SYNPO: variants seen among roughly 807,000 people sequenced by gnomAD.
The protein encoded by SYNPO is synaptopodin.
Under a neutral mutation model 49.5 loss-of-function variants are expected in SYNPO, and 19 were observed. That is an observed-to-expected ratio of 0.38 (90% CI 0.27 to 0.56). The LOEUF (loss-of-function observed/expected upper bound fraction) is 0.56. Ranked by LOEUF, SYNPO falls within the 20% of genes least tolerant of loss-of-function variation. The pLI is 0.68. For synonymous variants in SYNPO, 536 were observed against 548.0 expected (o/e 0.98, Z 0.31); for missense variants, 1,131 against 1,248.3 (o/e 0.91, Z 1.42).
chr5:150,621,190 C>T (rs1380959366), intron 2 of SYNPO, among the ~76,000 whole-genome samples: 1 of 152,086 alleles, frequency 6.6e-6, no homozygotes, highest in Non-Finnish European at 1.5e-5. Context: ...TAACCTCAGG[C>T]GGTCTGCCTG....
At chr5:150,616,324 C>T (rs1007158327) in intron 1 of SYNPO, among the ~76,000 whole-genome samples, 3 of 152,210 alleles carry the variant, frequency 2.0e-5, no homozygotes, top group Admixed American at 1.3e-4. Context: ...TCACAATTTT[C>T]AGGATTCTCA....
chr5:150,647,892 C>T (rs1423218305), intron 1 of SYNPO, 52 bp from the exon 2 acceptor site: 1 of 1,503,074 alleles, frequency 6.7e-7, no homozygotes, highest in African/African-American at 1.4e-5. Flanking sequence ...TCCGTGCACC[C>T]CTGTGTCACT....
At chr5:150,650,352 C>A in intron 2 of SYNPO, 49 bp downstream of exon 2, 1 of 1,611,214 alleles carries the variant, frequency 6.2e-7, no homozygotes. Context: ...ACGGGGGTCC[C>A]ACTGCCGGTC....
chr5:150,612,518 T>G (rs186757241), intron 1 of SYNPO, among the ~76,000 whole-genome samples: 2 of 152,354 alleles, frequency 1.3e-5, no homozygotes, highest in Non-Finnish European at 2.9e-5. Context: ...TACAGCCTTA[T>G]GGATAAGAGT....
In SYNPO at chr5:150,649,508, G is replaced by T. The variant is rs144297430; in HGVS notation, c.1233G>T (p.Gln411His). 3 of 1,612,866 alleles carry T rather than the reference G, an allele frequency of 1.9e-6. No homozygotes were observed. The highest frequency in any genetic ancestry group is 2.5e-6 in the Non-Finnish European group (3 of 1,179,504). Residue 411 changes from glutamine (Q) to histidine (H), a missense_variant, in exon 2 of 3, where the codon CAG (glutamine) becomes CAT (histidine). This residue lies in a region of SYNPO where 602 missense variants were observed against 720.7 expected (regional missense o/e 0.84). Transcript: ENST00000307662. ...TADEKRRQRD[Q>H]GEVGVEEEPF... ...ATGAGAAGCGGCGGCAGAGGGACCA[G>T]GGGGAGGTAGGCGTGGAGGAGGAGC...
chr5:150,644,170 GA>G (rs11306904), intron 1 of SYNPO, among the ~76,000 whole-genome samples: 41,567 of 116,108 alleles, frequency 0.36, 6,316 homozygotes, highest in East Asian at 0.56. Context: ...CCCTGTCTCA[GA>G]AAAAAAAAAA....
At chr5:150,652,362 C>T (rs141537311) in intron 2 of SYNPO, 56 of 986,878 alleles carry the variant, frequency 5.7e-5, no homozygotes, top group Non-Finnish European at 6.1e-5. Context: ...TTCTTTCTTC[C>T]GTGCTGCTAG....
intron 1 of SYNPO, among the ~76,000 whole-genome samples, chr5:150,601,527 G>C (rs1756541548): frequency 6.6e-6 from 1 of 152,226 alleles, no homozygotes; most frequent in Admixed American, 6.5e-5. Context: ...GTACAAGTGA[G>C]AGTGTGTCAG....
rs1757300310 is a variant in SYNPO at position 150,624,890 on chromosome 5, C to G, written c.400+6123C>G. The G allele has an allele frequency of 7.1e-6, 7 of 985,476 alleles. No individual in the cohort carries two copies. In the South Asian group the frequency reaches 1.8e-4, roughly 26 times the overall value. The allele number at this position is 985,476 out of a possible 1,614,324, so 61.0% of individuals were successfully genotyped here. On this transcript the variant is annotated intron_variant, in intron 2 of 2. Coordinates refer to the SYNPO transcript ENST00000394243. ...CGGCGGCGCCCGGGAGCTCGGGGACCGTGCGCAGCGGCTGGAGGTGAGTGA... is the reference window on the plus strand; with the variant it reads ...CGGCGGCGCCCGGGAGCTCGGGGACGGTGCGCAGCGGCTGGAGGTGAGTGA...
intron 2 of SYNPO, among the ~76,000 whole-genome samples, chr5:150,621,692 T>C (rs1371820228): frequency 1.3e-5 from 2 of 152,180 alleles, no homozygotes; most frequent in African/African-American, 2.4e-5. Flanking sequence ...ATCTTCTGCT[T>C]TGGGCACTGC....
At chr5:150,604,623 A>G (rs1407065844) in intron 1 of SYNPO, among the ~76,000 whole-genome samples, 1 of 152,222 alleles carries the variant, frequency 6.6e-6, no homozygotes, top group Non-Finnish European at 1.5e-5. Flanking sequence ...AAGAGAAACT[A>G]GGTGACCCCG....
upstream of SYNPO, among the ~76,000 whole-genome samples, chr5:150,596,996 A>T (rs1444172268): frequency 2.0e-5 from 3 of 152,202 alleles, no homozygotes; most frequent in Non-Finnish European, 4.4e-5. Flanking sequence ...ACCTGCTTGC[A>T]GGGCTGTGAT....
At chr5:150,619,869 T>C (rs1757098298) in intron 2 of SYNPO, among the ~76,000 whole-genome samples, 1 of 152,106 alleles carries the variant, frequency 6.6e-6, no homozygotes, top group Admixed American at 6.5e-5. Flanking sequence ...CAGGCTGGGG[T>C]CACACAGGGG....
chr5:150,596,660 C>G (rs572261624), upstream of SYNPO, among the ~76,000 whole-genome samples: 20 of 152,236 alleles, frequency 1.3e-4, no homozygotes, highest in African/African-American at 4.1e-4. Context: ...ATGAAGGTTC[C>G]TGGGCCAGTG....
intron 1 of SYNPO, among the ~76,000 whole-genome samples, chr5:150,605,714 A>G (rs1275179194): frequency 3.3e-5 from 5 of 151,992 alleles, no homozygotes; most frequent in African/African-American, 1.2e-4. Context: ...CACTCCCAGC[A>G]GCTCTGCAGA....
intron 2 of SYNPO, among the ~76,000 whole-genome samples, chr5:150,626,218 C>T (rs1757351811): frequency 6.6e-6 from 1 of 152,128 alleles, no homozygotes; most frequent in Non-Finnish European, 1.5e-5. Flanking sequence ...TGTGCTCCCC[C>T]ACTACTTGCC....
At chr5:150,604,442 C>T (rs1756635065) in intron 1 of SYNPO, among the ~76,000 whole-genome samples, 1 of 152,204 alleles carries the variant, frequency 6.6e-6, no homozygotes, top group Non-Finnish European at 1.5e-5. Flanking sequence ...GGGTTCTTGA[C>T]TTCCTTAGAT....
intron 2 of SYNPO, among the ~76,000 whole-genome samples, chr5:150,626,920 C>T (rs1757376513): frequency 6.6e-6 from 1 of 152,202 alleles, no homozygotes; most frequent in South Asian, 2.1e-4. Flanking sequence ...GAGGAACCTT[C>T]TTCCATCTTC....
At chr5:150,609,306 T>G (rs145077557) in intron 1 of SYNPO, among the ~76,000 whole-genome samples, 40 of 152,340 alleles carry the variant, frequency 2.6e-4, no homozygotes, top group African/African-American at 9.6e-4. Flanking sequence ...ATTTTTTTAA[T>G]TTTTTGAGAT....
Sources: allele counts gnomAD v4.1 joint callset (sites outside exome capture counted in the v4.1 genomes callset), GRCh38; gene constraint gnomAD v4.1.1; regional missense constraint gnomAD v4.1.1; transcripts MANE v1.5; gene names NCBI Gene and HGNC (gene_info 2026-07-23, HGNC 2026-07-21).